The following FGF13 variants were observed in gnomAD, a reference collection of about 807,000 sequenced individuals.
FGF13 encodes the protein fibroblast growth factor 13.
In FGF13, 2 loss-of-function variants were observed where a neutral mutation model predicts 19.5. That is an observed-to-expected ratio of 0.10 (90% CI 0.04 to 0.32). The LOEUF (loss-of-function observed/expected upper bound fraction) is 0.32, where lower values mean the gene tolerates loss of function less well. Ranked by LOEUF, FGF13 falls within the 10% of genes least tolerant of loss-of-function variation. The pLI is 1.00. For missense variants in FGF13, 113 were observed against 192.7 expected (o/e 0.59, Z 2.45); for synonymous variants, 72 against 76.9 (o/e 0.94, Z 0.33).
At chrX:139,066,350 C>T (rs752354424) in intron 1 of FGF13, among the ~76,000 whole-genome samples, 4 of 109,966 alleles carry the variant, frequency 3.6e-5, no homozygotes, top group African/African-American at 6.6e-5. Context: ...GATAGAGACA[C>T]AAAAAAACGA....
chrX:138,843,056 GA>G (rs980747736), intron 3 of FGF13, among the ~76,000 whole-genome samples: 77 of 110,419 alleles, frequency 7.0e-4, no homozygotes, highest in African/African-American at 2.2e-3. Flanking sequence ...CTTCTATGTA[GA>G]AAAAAAATAG....
intron 1 of FGF13, among the ~76,000 whole-genome samples, chrX:139,111,676 A>C (rs1030796910): frequency 1.8e-5 from 2 of 111,834 alleles, no homozygotes; most frequent in Non-Finnish European, 3.8e-5. Flanking sequence ...CTATTTCTAG[A>C]AAAAACACAC....
chrX:138,650,301 A>G (rs1365053108), intron 3 of FGF13, among the ~76,000 whole-genome samples: 1 of 112,295 alleles, frequency 8.9e-6, no homozygotes, highest in African/African-American at 3.2e-5. Context: ...TTCTATTATC[A>G]TTAGAAGCGG....
At chrX:138,861,538 T>A (rs754944272) in intron 2 of FGF13, among the ~76,000 whole-genome samples, 1 of 112,501 alleles carries the variant, frequency 8.9e-6, no homozygotes, top group East Asian at 2.8e-4. Flanking sequence ...ATCCTCTATG[T>A]CATTTCAAAC....
chrX:139,126,397 C>A (rs1236192573), intron 1 of FGF13, among the ~76,000 whole-genome samples: 2 of 111,378 alleles, frequency 1.8e-5, no homozygotes, highest in Non-Finnish European at 3.8e-5. Context: ...TCCACCTCCA[C>A]TTTGCACTCA....
intron 1 of FGF13, among the ~76,000 whole-genome samples, chrX:138,878,856 G>A (rs1329324797): frequency 1.8e-5 from 2 of 111,938 alleles, no homozygotes; most frequent in Non-Finnish European, 3.8e-5. Context: ...ACTGGTGTGC[G>A]ATGGTATCTC....
In FGF13 at chrX:138,658,136, T is replaced by C. The variant is rs779988437; in HGVS notation, c.403-22481A>G. ...GTTAGCTTTCACCAGGACTACAATA[T>C]TTGTGTTCAGGAGGGAAGGATGTTT... On this transcript the variant is annotated intron_variant, in intron 3 of 4. Transcript: ENST00000315930. Among the ~76,000 whole-genome samples the C allele has an allele frequency of 6.8e-4, 76 of 112,301 alleles. 1 individual carries two copies. Among genetic ancestry groups the C allele is most frequent in the Admixed American group, 2.1e-3 (22 of 10,557 alleles).
intron 1 of FGF13, among the ~76,000 whole-genome samples, chrX:139,158,474 C>T (rs2083999221): frequency 9.0e-6 from 1 of 111,036 alleles, no homozygotes; most frequent in Non-Finnish European, 1.9e-5. Flanking sequence ...TTTCCCCTCA[C>T]AGTGTAAAGA....
intron 3 of FGF13, among the ~76,000 whole-genome samples, chrX:138,809,126 G>A (rs764945408): frequency 1.0e-3 from 115 of 111,553 alleles, no homozygotes; most frequent in Middle Eastern, 4.6e-3. Context: ...ACCAAAATCT[G>A]GCAGAGACAC....
At chrX:139,039,336 C>T (rs1371677071) in intron 1 of FGF13, among the ~76,000 whole-genome samples, 1 of 111,459 alleles carries the variant, frequency 9.0e-6, no homozygotes, top group African/African-American at 3.3e-5. Flanking sequence ...AAGGCAAAGC[C>T]CTTTCCTTTG....
At chrX:138,906,698 TG>T (rs1298612445) in intron 1 of FGF13, among the ~76,000 whole-genome samples, 1 of 111,785 alleles carries the variant, frequency 8.9e-6, no homozygotes, top group Non-Finnish European at 1.9e-5. Context: ...TCAATACTCC[TG>T]GTGACTAGGC....
intron 1 of FGF13, among the ~76,000 whole-genome samples, chrX:138,947,489 T>A (rs764324015): frequency 6.2e-4 from 66 of 106,204 alleles, no homozygotes; most frequent in Non-Finnish European, 1.2e-3. Context: ...GCTAACTGAT[T>A]GTGAAGAAAA....
chrX:139,065,174 C>A (rs965436205), intron 1 of FGF13, among the ~76,000 whole-genome samples: 9 of 111,197 alleles, frequency 8.1e-5, no homozygotes, highest in Admixed American at 5.8e-4. Flanking sequence ...TGGAAAGGAA[C>A]AATCAGTTCC....
intron 1 of FGF13, among the ~76,000 whole-genome samples, chrX:138,938,679 CAGAG>C (rs763382063): frequency 1.1e-4 from 12 of 111,456 alleles, no homozygotes; most frequent in Admixed American, 1.1e-3. Context: ...AATTAAAAGA[CAGAG>C]AGAATTTGGA....
intron 1 of FGF13, among the ~76,000 whole-genome samples, chrX:139,066,637 T>C (rs1161103750): frequency 9.0e-6 from 1 of 111,466 alleles, no homozygotes; most frequent in Admixed American, 9.5e-5. Context: ...CAGTAACTAG[T>C]AGCCTACCAA....
chrX:138,856,315 A>G (rs1200504318), downstream of FGF13, among the ~76,000 whole-genome samples: 1 of 111,577 alleles, frequency 9.0e-6, no homozygotes, highest in African/African-American at 3.3e-5. Flanking sequence ...TTTTCTGCCA[A>G]TGATTGTCTT....
chrX:138,708,959 G>T, intron 1 of FGF13, 31 bp from the exon 2 acceptor site: 2 of 865,756 alleles, frequency 2.3e-6, no homozygotes, highest in Non-Finnish European at 3.3e-6. Flanking sequence ...TGGATCAATT[G>T]ATAAATTGTG....
At chrX:138,672,944 G>A (rs2089629084) in intron 3 of FGF13, among the ~76,000 whole-genome samples, 1 of 111,702 alleles carries the variant, frequency 9.0e-6, no homozygotes. Context: ...AAGGAATGAT[G>A]AACTGCATCA....
At chrX:138,706,799 C>G (rs1043759664) in intron 2 of FGF13, among the ~76,000 whole-genome samples, 1 of 111,989 alleles carries the variant, frequency 8.9e-6, no homozygotes, top group East Asian at 2.8e-4. Context: ...CCCACAATAT[C>G]CTCAATGGCA....
Sources: gnomAD v4.1 joint callset for allele counts (sites outside exome capture counted in the v4.1 genomes callset) on GRCh38, gnomAD v4.1.1 for gene constraint, MANE v1.5 for transcripts, NCBI Gene and HGNC (gene_info 2026-07-23, HGNC 2026-07-21) for gene names.